Variants in NAALADL2 observed in about 807,000 individuals in gnomAD.
The protein encoded by NAALADL2 is inactive N-acetylated-alpha-linked acidic dipeptidase-like protein 2.
Under a neutral mutation model 87.2 loss-of-function variants are expected in NAALADL2, and 76 were observed. The ratio of observed to expected loss-of-function variants is 0.87; its 90% CI spans 0.72 to 1.05. The LOEUF is 1.05. Ranked by LOEUF, NAALADL2 falls within the 50% of genes least tolerant of loss-of-function variation. The pLI is 0.00. For synonymous variants in NAALADL2, 354 were observed against 331.0 expected (o/e 1.07, Z -0.75); for missense variants, 1,089 against 945.8 (o/e 1.15, Z -1.99).
intron 8 of NAALADL2, among the ~76,000 whole-genome samples, chr3:175,470,332 A>G (rs1396773885): frequency 6.6e-6 from 1 of 152,078 alleles, no homozygotes; most frequent in African/African-American, 2.4e-5. Context: ...ATACATTTCA[A>G]AATTGTTCAG....
chr3:175,691,255 TAA>T (rs1737003244), intron 11 of NAALADL2, among the ~76,000 whole-genome samples: 2 of 150,594 alleles, frequency 1.3e-5, no homozygotes, highest in African/African-American at 2.4e-5. Context: ...TACACACAGA[TAA>T]TATATATATA....
At chr3:175,712,556 C>G (rs186636761) in intron 11 of NAALADL2, among the ~76,000 whole-genome samples, 5 of 152,010 alleles carry the variant, frequency 3.3e-5, no homozygotes, top group African/African-American at 9.7e-5. Context: ...GGAAAAAGTA[C>G]TATCCTCTCT....
chr3:174,788,607 T>C (rs1040134915), intron 3 of NAALADL2, among the ~76,000 whole-genome samples: 12 of 152,150 alleles, frequency 7.9e-5, no homozygotes, highest in Non-Finnish European at 1.3e-4. Flanking sequence ...CATTTAAAAT[T>C]ATTTACCTTT....
At chr3:175,034,680 G>T (rs1170710569) in intron 1 of NAALADL2, among the ~76,000 whole-genome samples, 2 of 152,024 alleles carry the variant, frequency 1.3e-5, no homozygotes, top group African/African-American at 2.4e-5. Context: ...CCAAACTGCC[G>T]AGAATTCAGT....
Position 174,522,040 on chromosome 3 carries a change from A to T in NAALADL2, c.-183-28529A>T, listed in dbSNP as rs570572615. Among the ~76,000 whole-genome samples the T allele has an allele frequency of 3.3e-5, 5 of 152,252 alleles. No homozygotes were observed. The South Asian group carries it at 1.0e-3, about 32-fold the overall frequency. On this transcript the variant is annotated intron_variant, in intron 1 of 3. Transcript: ENST00000434257. ...CTGGAGCCCAGCAGTTCCAAGCTGCAGTGAGCCCTGATTGCACCACTACAC... is the reference window on the plus strand; with the variant it reads ...CTGGAGCCCAGCAGTTCCAAGCTGCTGTGAGCCCTGATTGCACCACTACAC...
intron 2 of NAALADL2, among the ~76,000 whole-genome samples, chr3:174,640,528 GCCCT>G (rs1723068605): frequency 6.6e-6 from 1 of 152,154 alleles, no homozygotes; most frequent in Non-Finnish European, 1.5e-5. Flanking sequence ...ATGGACTTCT[GCCCT>G]CCTCTCCTCT....
At chr3:175,127,125 A>G (rs753294777) in intron 2 of NAALADL2, among the ~76,000 whole-genome samples, 5 of 152,066 alleles carry the variant, frequency 3.3e-5, no homozygotes, top group Non-Finnish European at 1.5e-5. Flanking sequence ...GCTCTGGGAC[A>G]CCGTTCACAG....
At chr3:175,752,287 T>G (rs1157159225) in intron 12 of NAALADL2, among the ~76,000 whole-genome samples, 1 of 152,132 alleles carries the variant, frequency 6.6e-6, no homozygotes, top group Non-Finnish European at 1.5e-5. Context: ...GTATATAAGT[T>G]AATTATTCAT....
intron 5 of NAALADL2, among the ~76,000 whole-genome samples, chr3:175,352,128 C>G (rs901291006): frequency 1.3e-5 from 2 of 150,630 alleles, no homozygotes; most frequent in African/African-American, 4.9e-5. Flanking sequence ...CAAACATGCT[C>G]TATATTGGTG....
rs185160863 is a variant in NAALADL2 at position 174,940,750 on chromosome 3, C to T, written c.43+81300C>T. On this transcript the variant is annotated intron_variant, in intron 1 of 13. Transcript: ENST00000454872. ...TTCCTGGTTCAGTCTTGAGAGGTTG[C>T]TTATGTCCAGGAATTTATCCATATC... Among the ~76,000 whole-genome samples, 348 of 151,944 alleles carry T rather than the reference C, an allele frequency of 2.3e-3. 1 individual carries two copies. Among genetic ancestry groups the T allele is most frequent in the Non-Finnish European group, 3.8e-3 (259 of 67,868 alleles).
chr3:175,795,818 T>TAACC (rs916905259), intron 13 of NAALADL2, among the ~76,000 whole-genome samples: 92 of 152,146 alleles, frequency 6.0e-4, no homozygotes, highest in African/African-American at 2.1e-3. Flanking sequence ...CTTAAAAAAA[T>TAACC]AACTATTTTT....
chr3:174,481,234 C>G (rs1164612647), intron 1 of NAALADL2, among the ~76,000 whole-genome samples: 2 of 151,964 alleles, frequency 1.3e-5, no homozygotes, highest in East Asian at 1.9e-4. Context: ...CACTATAATT[C>G]TAACTGCTAG....
chr3:174,638,840 TTC>T (rs1722904989), intron 2 of NAALADL2, among the ~76,000 whole-genome samples: 1 of 152,230 alleles, frequency 6.6e-6, no homozygotes. Context: ...ATTTTATAGC[TTC>T]ATTAAACCAT....
At chr3:174,511,105 C>T (rs1448448122) in intron 1 of NAALADL2, among the ~76,000 whole-genome samples, 1 of 151,762 alleles carries the variant, frequency 6.6e-6, no homozygotes, top group Non-Finnish European at 1.5e-5. Flanking sequence ...TTTTATGACC[C>T]AGAACGTGAT....
intron 1 of NAALADL2, among the ~76,000 whole-genome samples, chr3:174,911,608 G>T (rs1733719976): frequency 6.6e-6 from 1 of 152,058 alleles, no homozygotes; most frequent in Non-Finnish European, 1.5e-5. Flanking sequence ...GGAGCTGGGA[G>T]TTTGGGAAAG....
At chr3:175,689,995 C>T (rs2149911902) in intron 11 of NAALADL2, among the ~76,000 whole-genome samples, 3 of 151,998 alleles carry the variant, frequency 2.0e-5, no homozygotes, top group Admixed American at 2.0e-4. Flanking sequence ...TTCAGAAAAC[C>T]ACGGAGCTTT....
chr3:174,446,271 C>A (rs535578203), intron 1 of NAALADL2, among the ~76,000 whole-genome samples: 1 of 152,182 alleles, frequency 6.6e-6, no homozygotes, highest in African/African-American at 2.4e-5. Context: ...TGAAAAACTT[C>A]AGAAGTGCTA....
At chr3:175,792,828 C>T (rs552474646) in intron 13 of NAALADL2, among the ~76,000 whole-genome samples, 2 of 152,168 alleles carry the variant, frequency 1.3e-5, no homozygotes, top group South Asian at 2.1e-4. Flanking sequence ...CTCTGCCTTC[C>T]GTAGTATAAG....
At chr3:174,777,305 G>A (rs755818427) in intron 3 of NAALADL2, among the ~76,000 whole-genome samples, 3 of 152,088 alleles carry the variant, frequency 2.0e-5, no homozygotes, top group Non-Finnish European at 2.9e-5. Flanking sequence ...GCCACCAAGT[G>A]TCCTTCTTCC....
Sources: gnomAD v4.1 joint callset for allele counts (sites outside exome capture counted in the v4.1 genomes callset) on GRCh38, gnomAD v4.1.1 for gene constraint, MANE v1.5 for transcripts, NCBI Gene and HGNC (gene_info 2026-07-23, HGNC 2026-07-21) for gene names.